Variants in CABIN1 observed in about 807,000 individuals in gnomAD.
CABIN1 encodes calcineurin-binding protein cabin-1.
In CABIN1, 133 loss-of-function variants were observed where a neutral mutation model predicts 227.7. The ratio of observed to expected loss-of-function variants is 0.58; its 90% CI spans 0.51 to 0.67. CABIN1 has a LOEUF of 0.67. CABIN1 is among the 30% of genes least tolerant of loss of function. The pLI is 0.00. For synonymous variants in CABIN1, 1,086 were observed against 1,155.1 expected, an observed-to-expected ratio of 0.94 and a Z score of 1.21; for missense variants, 2,408 against 2,852.5, an observed-to-expected ratio of 0.84 and a Z score of 3.55.
intron 19 of CABIN1, among the ~76,000 whole-genome samples, chr22:24,080,596 A>G (rs1401557441): frequency 6.6e-6 from 1 of 152,156 alleles, no homozygotes; most frequent in Non-Finnish European, 1.5e-5. Context: ...AATTTTCTCC[A>G]TAATACTTTT....
At chr22:24,052,713 C>T (rs999302461) in intron 8 of CABIN1, among the ~76,000 whole-genome samples, 10 of 150,454 alleles carry the variant, frequency 6.6e-5, no homozygotes, top group Middle Eastern at 3.4e-3. Flanking sequence ...TTGCTTGAGC[C>T]GGGGAAGTCA....
chr22:24,127,642 G>A (rs948415895), intron 28 of CABIN1, among the ~76,000 whole-genome samples: 10 of 152,256 alleles, frequency 6.6e-5, no homozygotes, highest in Admixed American at 5.2e-4. Context: ...GCCTGGCAGC[G>A]CTAGCCCAAT....
chr22:24,079,565 T>C (rs537236770), intron 19 of CABIN1, among the ~76,000 whole-genome samples: 149 of 152,336 alleles, frequency 9.8e-4, no homozygotes, highest in African/African-American at 3.4e-3. Context: ...CTAGGTACAG[T>C]AGACTTAAAT....
intron 4 of CABIN1, among the ~76,000 whole-genome samples, chr22:24,039,597 TC>T (rs1360707938): frequency 2.0e-5 from 3 of 152,154 alleles, no homozygotes; most frequent in Non-Finnish European, 4.4e-5. Flanking sequence ...ATGTTGGTCT[TC>T]CCTCTCAGGA....
chr22:24,030,632 A>G (rs1315885249), intron 1 of CABIN1, among the ~76,000 whole-genome samples: 1 of 152,120 alleles, frequency 6.6e-6, no homozygotes, highest in East Asian at 1.9e-4. Context: ...GTTCTCCTAC[A>G]CTGTGGACTG....
intron 26 of CABIN1, among the ~76,000 whole-genome samples, chr22:24,099,679 A>G (rs1365562796): frequency 5.9e-5 from 9 of 152,166 alleles, no homozygotes; most frequent in African/African-American, 2.2e-4. Context: ...TTCTCAGGGA[A>G]TTAGTTTTTG....
Position 24,091,691 on chromosome 22 carries a change from C to A in CABIN1, c.3634C>A (p.Leu1212Met). Residue 1212 changes from leucine to methionine, a missense_variant, in exon 24 of 37, where the codon CTG (leucine) becomes ATG (methionine). By Grantham distance (15) the Leu-to-Met change is conservative. This residue lies in a region of CABIN1 where 649 missense variants were observed against 910.3 expected (regional missense o/e 0.71). Coordinates refer to ENST00000263119, the MANE Select transcript of CABIN1 (RefSeq NM_012295.4). ...DEEEWLIHYM[L>M]GKVAEKQQQP... ...GGAGGAGTGGCTCATCCACTACATG[C>A]TGGGCAAGGTGGCTGAGAAGCAGCA... The A allele has an allele frequency of 6.2e-7, 1 of 1,614,198 alleles. No homozygotes were observed. Among genetic ancestry groups the A allele is most frequent in the South Asian group, 1.1e-5 (1 of 91,084 alleles).
In CABIN1 at chr22:24,091,739, C is replaced by G; in HGVS notation, c.3682C>G (p.Leu1228Val). 6.2e-7 allele frequency: 1 copy of G among 1,614,176 alleles called. No individual in the cohort carries two copies. Among genetic ancestry groups the G allele is most frequent in the Non-Finnish European group, 8.5e-7 (1 of 1,180,024 alleles). ...GCAGCAGCCACCCACCGTTTACTTG[C>G]TGCACTACAGGCAGGCTGGCCACTA... ...KQQQPPTVYLLHYRQAGHYLH... is the reference protein window; with the variant it reads ...KQQQPPTVYLVHYRQAGHYLH... Residue 1228 changes from leucine to valine, a missense_variant, in exon 24 of 37, where the codon CTG becomes GTG. Transcript: ENST00000263119.
At chr22:24,083,092 C>A in intron 19 of CABIN1, 136 bp from the exon 20 acceptor site, 1 of 839,312 alleles carries the variant, frequency 1.2e-6, no homozygotes, top group Non-Finnish European at 2.0e-6. Context: ...GGAATCAAGT[C>A]ATGCAGGAGC....
At chr22:24,145,238 G>A (rs1335731338) in intron 29 of CABIN1, among the ~76,000 whole-genome samples, 2 of 152,188 alleles carry the variant, frequency 1.3e-5, no homozygotes, top group African/African-American at 4.8e-5. Context: ...CGTCTTCCAG[G>A]TGTTGCACTA....
intron 28 of CABIN1, among the ~76,000 whole-genome samples, chr22:24,122,884 T>A (rs2043503258): frequency 6.6e-6 from 1 of 152,136 alleles, no homozygotes; most frequent in African/African-American, 2.4e-5. Flanking sequence ...AGACACCAGG[T>A]ACACCAGGTC....
intron 28 of CABIN1, among the ~76,000 whole-genome samples, chr22:24,128,826 G>T (rs973890374): frequency 7.2e-5 from 11 of 152,220 alleles, no homozygotes; most frequent in African/African-American, 2.7e-4. Flanking sequence ...TTGCAGATAG[G>T]CTGGCACTGC....
At chr22:24,075,387 G>T (rs779202725) in intron 18 of CABIN1, among the ~76,000 whole-genome samples, 25 of 152,282 alleles carry the variant, frequency 1.6e-4, no homozygotes, top group Non-Finnish European at 3.4e-4. Context: ...GTAAACAAAT[G>T]TGTAACTGGA....
chr22:24,130,927 GC>G (rs2044036450), intron 28 of CABIN1, among the ~76,000 whole-genome samples: 1 of 152,182 alleles, frequency 6.6e-6, no homozygotes, highest in Non-Finnish European at 1.5e-5. Flanking sequence ...TGCACCCTTT[GC>G]CCCAGAAACC....
chr22:24,106,374 G>C (rs1263501160), intron 26 of CABIN1, among the ~76,000 whole-genome samples: 1 of 152,196 alleles, frequency 6.6e-6, no homozygotes, highest in Admixed American at 6.5e-5. Context: ...TTTTCCTCCT[G>C]CCCCTCTTCA....
Position 24,178,553 on chromosome 22 carries a change from A to C in CABIN1, c.*357A>C. 2.9e-6 allele frequency: 1 copy of C among 347,208 alleles called. No individual in the cohort carries two copies. Among genetic ancestry groups the C allele is most frequent in the Non-Finnish European group, 5.5e-6 (1 of 180,396 alleles). 21.5% of individuals were successfully genotyped at this position (347,208 alleles called of 1,614,324 possible). On this transcript the variant is annotated 3_prime_UTR_variant, in exon 37 of 37. Transcript: ENST00000263119. ...GATGAGCCGGCTCTGCCTGTGTCAC[A>C]GTGGAGGGGTCCTTTAGGGCCAGGC...
At chr22:24,173,336 C>G (rs1427055815) in intron 34 of CABIN1, 1 of 152,210 alleles carries the variant, frequency 6.6e-6, no homozygotes, top group East Asian at 1.9e-4. Context: ...GTGGCTCAAG[C>G]AGCAAGCAGG....
chr22:24,163,399 G>A (rs2148655148), intron 29 of CABIN1, among the ~76,000 whole-genome samples: 1 of 152,274 alleles, frequency 6.6e-6, no homozygotes, highest in African/African-American at 2.4e-5. Context: ...GCCCTGAGAG[G>A]GGTACCACCT....
intron 29 of CABIN1, among the ~76,000 whole-genome samples, chr22:24,152,947 AAAG>A (rs1169386741): frequency 1.3e-5 from 2 of 150,062 alleles, no homozygotes; most frequent in Admixed American, 6.6e-5. Flanking sequence ...AGAGAAAAAA[AAAG>A]AAAGGAGCCA....
Sources: allele counts gnomAD v4.1 joint callset (sites outside exome capture counted in the v4.1 genomes callset), GRCh38; gene constraint gnomAD v4.1.1; regional missense constraint gnomAD v4.1.1; transcripts MANE v1.5; gene names NCBI Gene and HGNC (gene_info 2026-07-23, HGNC 2026-07-21).